Variants in HEATR5B observed in about 807,000 individuals in gnomAD.
HEATR5B encodes the protein HEAT repeat containing 5B, also known as HEAT repeat-containing protein 5B.
Under a neutral mutation model 224.1 loss-of-function variants are expected in HEATR5B, and 156 were observed. The ratio of observed to expected loss-of-function variants is 0.70; its 90% confidence interval spans 0.61 to 0.80. The LOEUF is 0.80. Among genes scored for constraint, HEATR5B ranks in the 30% least tolerant of loss-of-function variants. HEATR5B has a pLI of 0.00. For synonymous variants in HEATR5B, 1,027 were observed against 893.0 expected (o/e 1.15, Z -2.68); for missense variants, 2,323 against 2,535.5 (o/e 0.92, Z 1.80).
At chr2:37,041,398 G>T (rs1669862070) in intron 18 of HEATR5B, 106 bp from the exon 19 acceptor site, 1 of 1,033,420 alleles carries the variant, frequency 9.7e-7, no homozygotes, top group Non-Finnish European at 1.4e-6. Flanking sequence ...AATAAGAAAA[G>T]ATTATAATCA....
At chr2:36,999,264 T>C (rs936482739) in intron 33 of HEATR5B, among the ~76,000 whole-genome samples, 3 of 152,072 alleles carry the variant, frequency 2.0e-5, no homozygotes, top group Non-Finnish European at 4.4e-5. Context: ...AATATCAACA[T>C]GTAGTTCCAT....
chr2:37,068,323 G>C (rs552029359), intron 8 of HEATR5B, among the ~76,000 whole-genome samples: 1 of 152,218 alleles, frequency 6.6e-6, no homozygotes, highest in East Asian at 1.9e-4. Context: ...GGGAGGAAAA[G>C]AAACAATAAA....
At chr2:36,992,496 A>T (rs1666398499) in intron 33 of HEATR5B, among the ~76,000 whole-genome samples, 1 of 151,056 alleles carries the variant, frequency 6.6e-6, no homozygotes, top group South Asian at 2.1e-4. Flanking sequence ...CAGGAGGATC[A>T]CTTTAGCCCT....
intron 3 of HEATR5B, among the ~76,000 whole-genome samples, chr2:37,078,341 A>T (rs1672359196): frequency 6.6e-6 from 1 of 152,258 alleles, no homozygotes; most frequent in African/African-American, 2.4e-5. Flanking sequence ...TAATAAATTT[A>T]AAATGACTGG....
chr2:37,070,318 C>T lies in HEATR5B; in HGVS notation c.839G>A (p.Arg280His), dbSNP rs1671830426. ...GCTCTTTAAGAAACCTGACCCTCCA[C>T]GCAGAAATCCTGTGGCCATGAGTTC... The part of the protein sequence containing the change: ...VLELMATGFL[R>H]GGSGFLKSGG... The change falls in exon 7 of 36, where the codon CGT becomes CAT. Residue 280 changes from arginine to histidine, a missense_variant. Coordinates refer to ENST00000233099, the MANE Select transcript of HEATR5B (RefSeq NM_019024.3). 1.2e-6 allele frequency: 2 copies of T among 1,613,916 alleles called. No homozygotes were observed. The highest frequency in any genetic ancestry group is 1.3e-5 in the African/African-American group (1 of 74,914).
At chr2:37,075,698 C>A (rs1018880514) in intron 4 of HEATR5B, 64 bp from the exon 5 acceptor site, 3 of 1,357,148 alleles carry the variant, frequency 2.2e-6, no homozygotes, top group South Asian at 2.9e-5. Flanking sequence ...CAAGAACACA[C>A]CAAGACAAAA....
chr2:37,008,757 C>T lies in HEATR5B; in HGVS notation c.4376G>A (p.Gly1459Asp), dbSNP rs767536671. The change falls in exon 28 of 36, where the codon GGT (glycine) becomes GAT (aspartate). Residue 1459 changes from glycine (G) to aspartate (D), a missense_variant. Gly to Asp is a moderately conservative substitution (Grantham distance 94). Around this residue, in one of 12 missense-constraint regions of HEATR5B, gnomAD observed 844 missense variants for 812.9 expected, o/e 1.04. Transcript: ENST00000233099. ...ATCTGGTGGCAGTTCATCGATGGTA[C>T]CACAGTCGTCATCATCATCGTCAGT... Reference protein sequence around the residue: ...KNTDDDDDDCGTIDELPPDSL... With the variant: ...KNTDDDDDDCDTIDELPPDSL... 2 of 1,613,806 alleles carry T rather than the reference C, an allele frequency of 1.2e-6. No individual in the cohort carries two copies. Among genetic ancestry groups the T allele is most frequent in the East Asian group, 4.5e-5 (2 of 44,878 alleles).
At chr2:37,069,987 T>A (rs1041048513) in intron 7 of HEATR5B, among the ~76,000 whole-genome samples, 5 of 149,082 alleles carry the variant, frequency 3.4e-5, no homozygotes, top group Admixed American at 6.8e-5. Flanking sequence ...AACCTCCACC[T>A]CCCTAGTTGA....
chr2:37,056,691 T>G, intron 15 of HEATR5B, 76 bp from the exon 16 acceptor site: 1 of 1,250,846 alleles, frequency 8.0e-7, no homozygotes, highest in South Asian at 1.6e-5. Context: ...GAATGAGGAT[T>G]ACAGCAGAGG....
Position 36,981,532 on chromosome 2 carries a change from T to C in HEATR5B, c.6174A>G (p.Ile2058Met). ...KAAARQPAPA[I>M]HSAPTIKLKT... ...TTAGCTTAATTGTTGGTGCAGAATG[T>C]ATGGCGGGGGCTGGTTGTCTGGCAG... The change falls in exon 36 of 36, where the codon ATA becomes ATG. Residue 2058 changes from isoleucine to methionine, a missense_variant. Around this residue, in one of 12 missense-constraint regions of HEATR5B, gnomAD observed 844 missense variants for 812.9 expected, o/e 1.04. Transcript: ENST00000233099. The C allele has an allele frequency of 6.2e-7, 1 of 1,613,852 alleles. No individual in the cohort carries two copies. Among genetic ancestry groups the C allele is most frequent in the Non-Finnish European group, 8.5e-7 (1 of 1,179,896 alleles).
intron 18 of HEATR5B, among the ~76,000 whole-genome samples, chr2:37,047,720 C>T (rs1049902142): frequency 3.3e-5 from 5 of 152,070 alleles, no homozygotes; most frequent in Non-Finnish European, 7.4e-5. Flanking sequence ...TTTCAATGTG[C>T]AAATATACAA....
chr2:36,997,502 G>A lies in HEATR5B; in HGVS notation c.5545+3084C>T, dbSNP rs1040946905. ...CCACACCCCATCTAATTTCTATATAGACCAAAACAGTAAAATTGTCCTCTG... is the reference window on the plus strand; with the variant it reads ...CCACACCCCATCTAATTTCTATATAAACCAAAACAGTAAAATTGTCCTCTG... On this transcript the variant is annotated intron_variant, in intron 33 of 35. Coordinates refer to ENST00000233099, the MANE Select transcript of HEATR5B (RefSeq NM_019024.3). Among the ~76,000 whole-genome samples the A allele has an allele frequency of 3.3e-5, 5 of 150,498 alleles. No homozygotes were observed. In the East Asian group the frequency reaches 9.8e-4, roughly 29 times the overall value.
Position 37,008,595 on chromosome 2 carries a change from A to C in HEATR5B, c.4522+16T>G. On this transcript the variant is annotated intron_variant, in intron 28 of 35. Transcript: ENST00000233099. ...TTTGAACTCCATAAAAGTAAAACTCAGAATGTAATACTCACCATCTGGAGG... is the reference window on the plus strand; with the variant it reads ...TTTGAACTCCATAAAAGTAAAACTCCGAATGTAATACTCACCATCTGGAGG... 3 of 1,555,232 alleles carry C rather than the reference A, an allele frequency of 1.9e-6. No homozygotes were observed. Among genetic ancestry groups the C allele is most frequent in the Non-Finnish European group, 2.7e-6 (3 of 1,126,282 alleles).
chr2:37,019,116 T>C (rs1456105217), intron 26 of HEATR5B, among the ~76,000 whole-genome samples: 2 of 151,694 alleles, frequency 1.3e-5, no homozygotes, highest in Non-Finnish European at 2.9e-5. Flanking sequence ...AGAGATCGCA[T>C]GCCACTGTGC....
At chr2:37,029,535 G>T (rs1016361661) in intron 22 of HEATR5B, among the ~76,000 whole-genome samples, 1 of 152,130 alleles carries the variant, frequency 6.6e-6, no homozygotes, top group Non-Finnish European at 1.5e-5. Context: ...ATGGTGGCGG[G>T]TGTCTGTAAT....
At position 37,014,037 on chromosome 2, in the gene HEATR5B, C is replaced by A. The variant is rs746440659; in HGVS notation, c.4105-17G>T. 24 of 1,449,288 alleles carry A rather than the reference C, an allele frequency of 1.7e-5. No homozygotes were observed. The South Asian group carries it at 2.2e-4, about 13-fold the overall frequency. The allele number at this position is 1,449,288 out of a possible 1,614,324, so 89.8% of individuals were successfully genotyped here. ...ACTACATACCTAGACAAAGAGAATT[C>A]AAAAACTTTTGTGTAAAAAAAATTA... On this transcript the variant is annotated splice_polypyrimidine_tract_variant and intron_variant, in intron 26 of 35. Coordinates refer to ENST00000233099, the MANE Select transcript of HEATR5B (RefSeq NM_019024.3).
chr2:36,988,671 C>G lies in HEATR5B; in HGVS notation c.5886G>C (p.Leu1962=), dbSNP rs143175652. 4 of 1,613,894 alleles carry G rather than the reference C, an allele frequency of 2.5e-6. No individual in the cohort carries two copies. The highest frequency in any genetic ancestry group is 1.7e-5 in the Admixed American group (1 of 60,004). ...TGTTTTGTTCTTCACCAAGAGCAACCAGTGTTTCAAGAACTTTTATTCCTT... is the reference window on the plus strand; with the variant it reads ...TGTTTTGTTCTTCACCAAGAGCAACGAGTGTTTCAAGAACTTTTATTCCTT... ...VQEGIKVLET[L]VALGEEQNRV... Residue 1962 remains leucine (L), a synonymous_variant, in exon 35 of 36, where the codon CTG becomes CTC. Transcript: ENST00000233099.
In HEATR5B at chr2:36,981,306, T is replaced by TA. The variant is rs972185909; in HGVS notation, c.*183dup. On this transcript the variant is annotated 3_prime_UTR_variant, in exon 36 of 36. Transcript: ENST00000233099. ...AAATGAAAACATATTCACCACATGA[T>TA]AAAAAAAATCACTCCTTAAAAATCA... 2.8e-5 allele frequency: 13 copies of TA among 456,484 alleles called. No homozygotes were observed. The highest frequency in any genetic ancestry group is 1.5e-4 in the South Asian group (3 of 19,596). 28.3% of individuals were successfully genotyped at this position (456,484 alleles called of 1,614,324 possible).
At chr2:36,988,890 A>ATG in intron 34 of HEATR5B, 31 bp from the exon 35 acceptor site, 1 of 1,495,224 alleles carries the variant, frequency 6.7e-7, no homozygotes, top group South Asian at 1.1e-5. Flanking sequence ...ATCAATTAAC[A>ATG]TGTGTATAGT....
Sources: gnomAD v4.1 joint callset for allele counts (sites outside exome capture counted in the v4.1 genomes callset) on GRCh38, gnomAD v4.1.1 for gene constraint, gnomAD v4.1.1 regional missense constraint, MANE v1.5 for transcripts, NCBI Gene and HGNC (gene_info 2026-07-23, HGNC 2026-07-21) for gene names.